The following MAGI1 variants were observed in gnomAD, a reference collection of about 807,000 sequenced individuals.
MAGI1 encodes membrane associated guanylate kinase, WW and PDZ domain containing 1.
In MAGI1, 58 loss-of-function variants were observed where a neutral mutation model predicts 139.9. The observed-to-expected ratio is 0.41, with a 90% CI of 0.34 to 0.52. The LOEUF (loss-of-function observed/expected upper bound fraction) is 0.52. Ranked by LOEUF, MAGI1 falls within the 20% of genes least tolerant of loss-of-function variation. The pLI is 0.12. For missense variants in MAGI1, 1,874 were observed against 1,901.6 expected (o/e 0.99, Z 0.27); for synonymous variants, 812 against 737.9 (o/e 1.10, Z -1.63).
At chr3:65,918,845 G>A (rs28368885) in intron 1 of MAGI1, among the ~76,000 whole-genome samples, 1,960 of 152,164 alleles carry the variant, frequency 0.013, 39 homozygotes, top group African/African-American at 0.044. Flanking sequence ...TGCAAGTTAA[G>A]GAGAATGCTT....
chr3:65,851,094 G>T (rs75296830), intron 1 of MAGI1, among the ~76,000 whole-genome samples: 7,065 of 151,908 alleles, frequency 0.047, 555 homozygotes, highest in African/African-American at 0.16. Flanking sequence ...GGACAAGAGC[G>T]AGACTTCATC....
chr3:65,674,534 A>G (rs2087064371), intron 1 of MAGI1, among the ~76,000 whole-genome samples: 1 of 152,124 alleles, frequency 6.6e-6, no homozygotes, highest in East Asian at 1.9e-4. Context: ...ACTAACTAAC[A>G]CAGTTTGGCT....
chr3:65,483,568 T>C (rs879375860), intron 3 of MAGI1, among the ~76,000 whole-genome samples: 1 of 152,220 alleles, frequency 6.6e-6, no homozygotes, highest in Non-Finnish European at 1.5e-5. Flanking sequence ...AAAAACTTAA[T>C]TGGGGCTATC....
At chr3:65,379,126 A>C in intron 17 of MAGI1, 135 bp downstream of exon 17, 1 of 1,528,978 alleles carries the variant, frequency 6.5e-7, no homozygotes, top group Non-Finnish European at 8.8e-7. Context: ...ATCTCCAATT[A>C]AGTCTTTAAT....
intron 2 of MAGI1, among the ~76,000 whole-genome samples, chr3:65,520,439 GTTTT>G (rs2078099812): frequency 6.6e-6 from 1 of 152,146 alleles, no homozygotes; most frequent in South Asian, 2.1e-4. Context: ...AAATTAATTA[GTTTT>G]CCTGAACCTC....
At chr3:65,927,421 G>C (rs1045615960) in intron 1 of MAGI1, among the ~76,000 whole-genome samples, 1 of 152,156 alleles carries the variant, frequency 6.6e-6, no homozygotes, top group Non-Finnish European at 1.5e-5. Flanking sequence ...CAAAGGGTCT[G>C]TCTCATTGCA....
At chr3:65,639,898 A>G (rs1481653598) in intron 1 of MAGI1, among the ~76,000 whole-genome samples, 1 of 151,592 alleles carries the variant, frequency 6.6e-6, no homozygotes. Context: ...GCTACTCAGG[A>G]GGCTGAGGCA....
At chr3:65,669,770 T>C (rs1193998459) in intron 1 of MAGI1, among the ~76,000 whole-genome samples, 1 of 152,214 alleles carries the variant, frequency 6.6e-6, no homozygotes, top group Non-Finnish European at 1.5e-5. Flanking sequence ...TTTTGGCACC[T>C]ATCCAGTGGA....
intron 1 of MAGI1, among the ~76,000 whole-genome samples, chr3:65,857,950 T>C (rs1368401785): frequency 6.6e-6 from 1 of 152,108 alleles, no homozygotes; most frequent in Non-Finnish European, 1.5e-5. Flanking sequence ...GTGTTTTAAA[T>C]AGTATTCATT....
intron 2 of MAGI1, among the ~76,000 whole-genome samples, chr3:65,565,780 C>G (rs956637964): frequency 6.6e-6 from 1 of 150,442 alleles, no homozygotes; most frequent in African/African-American, 2.4e-5. Context: ...TTGCTTGAAC[C>G]CAGGAGGCAG....
chr3:65,637,778 T>C (rs954948715), intron 1 of MAGI1, among the ~76,000 whole-genome samples: 1 of 152,206 alleles, frequency 6.6e-6, no homozygotes, highest in Non-Finnish European at 1.5e-5. Flanking sequence ...CTCTGAAAAC[T>C]GTATCTAAAA....
chr3:65,445,657 G>A (rs1948631681), intron 7 of MAGI1, among the ~76,000 whole-genome samples: 1 of 152,184 alleles, frequency 6.6e-6, no homozygotes, highest in East Asian at 1.9e-4. Context: ...AATTCCAAAA[G>A]AAGGTTCTGC....
chr3:65,570,379 G>A (rs978724603), intron 2 of MAGI1, among the ~76,000 whole-genome samples: 8 of 151,158 alleles, frequency 5.3e-5, no homozygotes, highest in African/African-American at 1.7e-4. Flanking sequence ...TAGGATCACA[G>A]GCATGAGCCA....
chr3:65,996,085 A>T (rs1289451317), intron 1 of MAGI1, among the ~76,000 whole-genome samples: 1 of 151,806 alleles, frequency 6.6e-6, no homozygotes, highest in African/African-American at 2.4e-5. Context: ...AGAACCTACA[A>T]ATTAAATTGG....
chr3:65,413,463 T>G (rs1416959170), intron 12 of MAGI1, among the ~76,000 whole-genome samples: 2 of 152,084 alleles, frequency 1.3e-5, no homozygotes, highest in South Asian at 2.1e-4. Flanking sequence ...TACTGAGGGG[T>G]CAGGTTTTCC....
intron 2 of MAGI1, among the ~76,000 whole-genome samples, chr3:65,616,316 G>A (rs560602825): frequency 2.6e-5 from 4 of 152,166 alleles, no homozygotes; most frequent in Non-Finnish European, 4.4e-5. Flanking sequence ...ATGATGGGTA[G>A]AAGAGAAGGG....
At chr3:65,834,046 C>G (rs566775787) in intron 1 of MAGI1, among the ~76,000 whole-genome samples, 2 of 152,222 alleles carry the variant, frequency 1.3e-5, no homozygotes, top group East Asian at 1.9e-4. Flanking sequence ...GTGGTGAACA[C>G]AACACATGTA....
At chr3:65,925,327 GT>G in intron 1 of MAGI1, 1 of 150,826 alleles carries the variant, frequency 6.6e-6, no homozygotes, top group East Asian at 1.9e-4. Flanking sequence ...TTGTTTTTTT[GT>G]TTTTGTATTA....
intron 2 of MAGI1, among the ~76,000 whole-genome samples, chr3:65,523,003 T>C (rs138809837): frequency 8.9e-4 from 135 of 152,250 alleles, no homozygotes; most frequent in African/African-American, 3.2e-3. Flanking sequence ...TGGGTTCTCA[T>C]AGCATTCATT....
Sources: allele counts gnomAD v4.1 joint callset (sites outside exome capture counted in the v4.1 genomes callset), GRCh38; gene constraint gnomAD v4.1.1; transcripts MANE v1.5; gene names NCBI Gene and HGNC (gene_info 2026-07-23, HGNC 2026-07-21).